The following CCL28 variants were observed in gnomAD, a reference collection of about 807,000 sequenced individuals.
CCL28 encodes C-C motif chemokine 28.
A neutral mutation model predicts 7.1 loss-of-function variants in CCL28; 4 were observed. The ratio of observed to expected loss-of-function variants is 0.56; its 90% CI spans 0.28 to 1.29. CCL28 has a LOEUF of 1.29. Among genes scored for constraint, CCL28 ranks in the 50% most tolerant of loss-of-function variants. The pLI is 0.11. For synonymous variants in CCL28, 55 were observed against 57.8 expected (o/e 0.95, Z 0.22); for missense variants, 151 against 163.4 (o/e 0.92, Z 0.41).
chr5:43,403,737 A>G (rs1473479686), intron 1 of CCL28, among the ~76,000 whole-genome samples: 2 of 152,348 alleles, frequency 1.3e-5, no homozygotes, highest in East Asian at 3.9e-4. Context: ...GTTCGAACCC[A>G]TGGCAAAGAA....
chr5:43,373,608 G>GAT (rs1739831715), downstream of CCL28, among the ~76,000 whole-genome samples: 1 of 152,080 alleles, frequency 6.6e-6, no homozygotes, highest in Admixed American at 6.6e-5. Flanking sequence ...ACTAACACTT[G>GAT]ATATTTTTAT....
At chr5:43,358,256 G>A in the CCL28 span, among the ~76,000 whole-genome samples, 1 of 152,134 alleles carries the variant, frequency 6.6e-6, no homozygotes, top group Non-Finnish European at 1.5e-5. Flanking sequence ...TGGAATTCTA[G>A]AATCAGGCAA....
intron 2 of CCL28, among the ~76,000 whole-genome samples, chr5:43,387,463 C>T (rs1266682828): frequency 6.6e-6 from 1 of 152,166 alleles, no homozygotes; most frequent in African/African-American, 2.4e-5. Flanking sequence ...ATAACTGAGC[C>T]AGGGGCAGGG....
downstream of CCL28, chr5:43,377,074 G>A (rs1437562970): frequency 1.3e-5 from 2 of 152,150 alleles, no homozygotes; most frequent in Non-Finnish European, 2.9e-5. Flanking sequence ...TGTGGTGCAA[G>A]CTTGGATTAT....
At chr5:43,374,729 C>T (rs368811078), downstream of CCL28, among the ~76,000 whole-genome samples, 237 of 148,238 alleles carry the variant, frequency 1.6e-3, 3 homozygotes, top group African/African-American at 5.6e-3. Context: ...TGCAGTGAGC[C>T]GAGATCGAGC....
the CCL28 span, among the ~76,000 whole-genome samples, chr5:43,361,572 T>C: frequency 6.6e-6 from 1 of 152,224 alleles, no homozygotes; most frequent in African/African-American, 2.4e-5. Flanking sequence ...CCAGGTTTTA[T>C]GTCCAGAATG....
At chr5:43,361,521 T>C in the CCL28 span, among the ~76,000 whole-genome samples, 1 of 152,354 alleles carries the variant, frequency 6.6e-6, no homozygotes, top group Middle Eastern at 3.4e-3. Flanking sequence ...ATTTTTGCTT[T>C]TGTTGCAAGT....
At chr5:43,412,159 T>C in intron 1 of CCL28, 94 bp downstream of exon 1, 2 of 840,816 alleles carry the variant, frequency 2.4e-6, no homozygotes, top group East Asian at 5.8e-5. Flanking sequence ...CTTGAAGAGA[T>C]AGATATTCTT....
the CCL28 span, among the ~76,000 whole-genome samples, chr5:43,369,050 G>C: frequency 3.3e-5 from 1 of 30,636 alleles, no homozygotes; most frequent in Non-Finnish European, 6.7e-5. Context: ...GAGAGAGAGA[G>C]AGAGAGAGAG....
the CCL28 span, among the ~76,000 whole-genome samples, chr5:43,357,241 C>A: frequency 2.6e-5 from 4 of 152,152 alleles, no homozygotes; most frequent in Non-Finnish European, 5.9e-5. Flanking sequence ...GCTAACATGC[C>A]AAAGTTAGTC....
At chr5:43,396,445 A>G (rs1374997475) in intron 1 of CCL28, among the ~76,000 whole-genome samples, 1 of 152,144 alleles carries the variant, frequency 6.6e-6, no homozygotes, top group Non-Finnish European at 1.5e-5. Context: ...CCTAGCTCCT[A>G]TTTTAAGATG....
chr5:43,372,018 G>C (rs541047054), downstream of CCL28, among the ~76,000 whole-genome samples: 1 of 152,310 alleles, frequency 6.6e-6, no homozygotes, highest in Admixed American at 6.5e-5. Context: ...AAGAGAGTGG[G>C]GGAGGTGCCA....
At chr5:43,402,610 C>T (rs1156769013) in intron 1 of CCL28, among the ~76,000 whole-genome samples, 1 of 152,192 alleles carries the variant, frequency 6.6e-6, no homozygotes, top group East Asian at 1.9e-4. Flanking sequence ...ACACAGAAAA[C>T]GGGTGATTTC....
the CCL28 span, among the ~76,000 whole-genome samples, chr5:43,364,240 G>A: frequency 6.6e-6 from 1 of 152,036 alleles, no homozygotes; most frequent in East Asian, 1.9e-4. Flanking sequence ...GCAACACAGA[G>A]CAAAGTGATG....
chr5:43,395,294 G>A (rs970955521), intron 1 of CCL28, among the ~76,000 whole-genome samples: 1 of 151,678 alleles, frequency 6.6e-6, no homozygotes, highest in African/African-American at 2.4e-5. Context: ...CTCACAAAGT[G>A]TCATAGCTTT....
At chr5:43,391,331 T>A (rs1270605483) in intron 1 of CCL28, among the ~76,000 whole-genome samples, 1 of 152,216 alleles carries the variant, frequency 6.6e-6, no homozygotes, top group Non-Finnish European at 1.5e-5. Context: ...AATTTATGAA[T>A]GTAAGTTGTA....
At position 43,389,431 on chromosome 5, in the gene CCL28, C is replaced by T. The variant is rs1740476606; in HGVS notation, c.65-955G>A. ...TGGATTTATCACGTATCCACCCATT[C>T]ATCCACCCATCTCACTATACGTGAA... On this transcript the variant is annotated intron_variant, in intron 1 of 2. Transcript: ENST00000361115. Among the ~76,000 whole-genome samples, 3 of 152,304 alleles carry T rather than the reference C, an allele frequency of 2.0e-5. No homozygotes were observed. The South Asian group carries it at 6.2e-4, about 32-fold the overall frequency.
At chr5:43,406,192 A>C (rs1741270488) in intron 1 of CCL28, among the ~76,000 whole-genome samples, 2 of 152,000 alleles carry the variant, frequency 1.3e-5, no homozygotes, top group Admixed American at 6.6e-5. Flanking sequence ...GAGACACAAC[A>C]AAAAAAGAGA....
chr5:43,358,760 C>A, the CCL28 span, among the ~76,000 whole-genome samples: 1 of 152,154 alleles, frequency 6.6e-6, no homozygotes, highest in Non-Finnish European at 1.5e-5. Flanking sequence ...TACAGATAAA[C>A]AAACCAATGT....
Sources: gnomAD v4.1 joint callset for allele counts (sites outside exome capture counted in the v4.1 genomes callset) on GRCh38, gnomAD v4.1.1 for gene constraint, MANE v1.5 for transcripts, NCBI Gene and HGNC (gene_info 2026-07-23, HGNC 2026-07-21) for gene names.